Variants in VSIG10 observed in about 807,000 individuals in gnomAD.
VSIG10 encodes V-set and immunoglobulin domain containing 10.
Under a neutral mutation model 58.7 loss-of-function variants are expected in VSIG10, and 48 were observed. The ratio of observed to expected loss-of-function variants is 0.82; its 90% confidence interval spans 0.65 to 1.04. The LOEUF is 1.04. Ranked by LOEUF, VSIG10 falls within the 50% of genes least tolerant of loss-of-function variation. The pLI is 0.00. For missense variants in VSIG10, 628 were observed against 670.0 expected (o/e 0.94, Z 0.69); for synonymous variants, 260 against 267.1 (o/e 0.97, Z 0.26).
At position 118,074,843 on chromosome 12, in the gene VSIG10, G is replaced by A. The variant is rs111727595; in HGVS notation, c.926-851C>T. 6.3e-3 allele frequency among the ~76,000 whole-genome samples: 963 copies of A among 152,080 alleles called. 13 individuals carry two copies. Among genetic ancestry groups the A allele is most frequent in the African/African-American group, 0.022 (916 of 41,500 alleles). On this transcript the variant is annotated intron_variant, in intron 4 of 8. Transcript: ENST00000359236. ...TTTAAGTATATTCACAATTTCCTAA[G>A]TTTTAAACTGCACATTGTTCTGAGT...
intron 3 of VSIG10, 21 bp from the exon 4 acceptor site, chr12:118,079,627 G>C: frequency 6.2e-7 from 1 of 1,612,578 alleles, no homozygotes; most frequent in Non-Finnish European, 8.5e-7. Context: ...CCAGAGGAAA[G>C]CATGGGCTGA....
chr12:118,089,477 T>C (rs2033230515), intron 2 of VSIG10, among the ~76,000 whole-genome samples: 1 of 152,172 alleles, frequency 6.6e-6, no homozygotes. Flanking sequence ...ATAAGGTTAT[T>C]CATTGATGAG....
chr12:118,078,519 A>G (rs907625808), intron 4 of VSIG10, among the ~76,000 whole-genome samples: 12 of 152,010 alleles, frequency 7.9e-5, no homozygotes, highest in African/African-American at 2.4e-5. Flanking sequence ...CTCTCTCACT[A>G]TGGAACTCTG....
At chr12:118,079,257 T>C in intron 4 of VSIG10, 89 bp downstream of exon 4, 1 of 1,521,362 alleles carries the variant, frequency 6.6e-7, no homozygotes. Context: ...ATCCGGGGAT[T>C]TCTTCCTCAG....
intron 5 of VSIG10, among the ~76,000 whole-genome samples, chr12:118,071,787 G>A (rs1242568688): frequency 4.6e-5 from 7 of 152,222 alleles, no homozygotes; most frequent in African/African-American, 1.2e-4. Flanking sequence ...AGTGATCAAC[G>A]GAACAGAACA....
At chr12:118,078,736 C>T (rs555883698) in intron 4 of VSIG10, among the ~76,000 whole-genome samples, 3 of 151,526 alleles carry the variant, frequency 2.0e-5, no homozygotes, top group African/African-American at 4.8e-5. Context: ...GGGGTCAGTT[C>T]GAGACCAGCC....
At chr12:118,100,108 G>T (rs933745527) in intron 1 of VSIG10, among the ~76,000 whole-genome samples, 1 of 152,168 alleles carries the variant, frequency 6.6e-6, no homozygotes, top group Non-Finnish European at 1.5e-5. Flanking sequence ...GGTGGCTCAC[G>T]CCTGTAATCC....
intron 1 of VSIG10, chr12:118,102,599 A>G (rs1241817770): frequency 6.6e-6 from 1 of 152,216 alleles, no homozygotes; most frequent in Non-Finnish European, 1.5e-5. Context: ...GTTAAAAAAA[A>G]AAAAGCAAAA....
In VSIG10 at chr12:118,065,856, C is replaced by T. The variant is rs891839501; in HGVS notation, c.*783G>A. On this transcript the variant is annotated 3_prime_UTR_variant, in exon 9 of 9. Coordinates refer to ENST00000359236, the MANE Select transcript of VSIG10 (RefSeq NM_019086.6). Reference sequence around the variant, plus strand: ...GCAATCCCCCACCAGGGGTACAGGTCAAATCAAAGCTGAATGAAGAGCTCA... The same window carrying T: ...GCAATCCCCCACCAGGGGTACAGGTTAAATCAAAGCTGAATGAAGAGCTCA... 6.6e-6 allele frequency: 1 copy of T among 152,144 alleles called. No individual in the cohort carries two copies. Among genetic ancestry groups the T allele is most frequent in the Admixed American group, 6.6e-5 (1 of 15,266 alleles). 9.4% of individuals were successfully genotyped at this position (152,144 alleles called of 1,614,324 possible). A position where few individuals can be genotyped will look rare whatever the true frequency, so the allele number is the denominator to read the frequency against.
Position 118,064,562 on chromosome 12 carries a change from TA to T in VSIG10, c.*2076del, listed in dbSNP as rs1232436669. 6.6e-6 allele frequency: 1 copy of T among 152,104 alleles called. No homozygotes were observed. 9.4% of individuals were successfully genotyped at this position (152,104 alleles called of 1,614,324 possible). A position where few individuals can be genotyped will look rare whatever the true frequency, so the allele number is the denominator to read the frequency against. On this transcript the variant is annotated 3_prime_UTR_variant, in exon 9 of 9. Transcript: ENST00000359236. ...GACTCTAAAGGAGAGACTCACTCAGTAATTCAGTGACTTTAGAAGCAAGCTG... is the reference window on the plus strand; with the variant it reads ...GACTCTAAAGGAGAGACTCACTCAGTATTCAGTGACTTTAGAAGCAAGCTG...
intron 4 of VSIG10, among the ~76,000 whole-genome samples, chr12:118,077,509 A>G (rs2032776758): frequency 6.6e-6 from 1 of 151,688 alleles, no homozygotes; most frequent in South Asian, 2.1e-4. Context: ...GTGAAAGAGG[A>G]ATGTTTGTGG....
In VSIG10 at chr12:118,066,637, C is replaced by T. The variant is rs769732873; in HGVS notation, c.*2G>A. On this transcript the variant is annotated 3_prime_UTR_variant, in exon 9 of 9. Transcript: ENST00000359236. ...CAAGACAACCATGGACCATCCTCTT[C>T]TTCAGACTGGCCTGTCTTCTTCTTG... The T allele has an allele frequency of 3.1e-6, 5 of 1,613,784 alleles. No individual in the cohort carries two copies. In the South Asian group the frequency reaches 3.3e-5, roughly 11 times the overall value.
intron 3 of VSIG10, 44 bp from the exon 4 acceptor site, chr12:118,079,650 A>G: frequency 6.2e-7 from 1 of 1,603,978 alleles, no homozygotes; most frequent in South Asian, 1.1e-5. Flanking sequence ...CACAGACTCT[A>G]GGATCAGCCA....
intron 2 of VSIG10, among the ~76,000 whole-genome samples, chr12:118,091,106 GC>G (rs374948179): frequency 2.0e-3 from 303 of 152,226 alleles, no homozygotes; most frequent in African/African-American, 7.0e-3. Context: ...CTGTATTCCA[GC>G]CTGGACGACA....
chr12:118,087,828 ATC>A (rs1479864463), intron 2 of VSIG10, among the ~76,000 whole-genome samples: 20 of 106,606 alleles, frequency 1.9e-4, no homozygotes, highest in Middle Eastern at 5.4e-3. Flanking sequence ...ACAGAGTGAG[ATC>A]CTGTCTCAAA....
At chr12:118,088,984 G>C (rs1229416521) in intron 2 of VSIG10, among the ~76,000 whole-genome samples, 1 of 142,478 alleles carries the variant, frequency 7.0e-6, no homozygotes, top group Non-Finnish European at 1.5e-5. Flanking sequence ...CTCTTGTTCT[G>C]TCACCCAGGC....
intron 2 of VSIG10, among the ~76,000 whole-genome samples, chr12:118,088,994 C>G (rs1391181308): frequency 2.7e-5 from 4 of 150,866 alleles, no homozygotes; most frequent in African/African-American, 4.9e-5. Context: ...GTCACCCAGG[C>G]TGGGGTGCAG....
rs2032169866 is a variant in VSIG10, at chr12:118,064,186, T to G, written c.*2453A>C. 1 of 152,208 alleles carries G rather than the reference T, an allele frequency of 6.6e-6. No homozygotes were observed. The highest frequency in any genetic ancestry group is 1.5e-5 in the Non-Finnish European group (1 of 68,038). 9.4% of individuals were successfully genotyped at this position (152,208 alleles called of 1,614,324 possible). On this transcript the variant is annotated 3_prime_UTR_variant, in exon 9 of 9. Coordinates refer to ENST00000359236, the MANE Select transcript of VSIG10 (RefSeq NM_019086.6). Reference sequence around the variant, plus strand: ...GAAGCCCGAATTCTTCAAAAAATCCTTAAAACTTGAAGACCTGGATTTTAC... The same window carrying G: ...GAAGCCCGAATTCTTCAAAAAATCCGTAAAACTTGAAGACCTGGATTTTAC...
chr12:118,065,612 C>A lies in VSIG10; in HGVS notation c.*1027G>T, dbSNP rs1566149661. On this transcript the variant is annotated 3_prime_UTR_variant, in exon 9 of 9. Transcript: ENST00000359236. ...TCTTAGAAATGGAGAAAGGAAGTTC[C>A]CCTTTAAGCCCTAGGTCCTGCCCAC... is the stretch of plus-strand genomic sequence containing the variant. The A allele has an allele frequency of 1.3e-5, 2 of 152,146 alleles. No homozygotes were observed. Among genetic ancestry groups the A allele is most frequent in the Non-Finnish European group, 2.9e-5 (2 of 68,032 alleles). 9.4% of individuals were successfully genotyped at this position (152,146 alleles called of 1,614,324 possible). A position where few individuals can be genotyped will look rare whatever the true frequency, so the allele number is the denominator to read the frequency against.
Sources: gnomAD v4.1 joint callset for allele counts (sites outside exome capture counted in the v4.1 genomes callset) on GRCh38, gnomAD v4.1.1 for gene constraint, MANE v1.5 for transcripts, NCBI Gene and HGNC (gene_info 2026-07-23, HGNC 2026-07-21) for gene names.